Variants in SLC24A2 observed in about 807,000 individuals in gnomAD.
SLC24A2 encodes solute carrier family 24 member 2, also known as sodium/potassium/calcium exchanger 2.
In SLC24A2, 36 loss-of-function variants were observed where a neutral mutation model predicts 62.0. That is an observed-to-expected ratio of 0.58 (90% CI 0.44 to 0.77). The LOEUF (loss-of-function observed/expected upper bound fraction) is 0.77, where lower values mean the gene tolerates loss of function less well. SLC24A2 is among the 30% of genes least tolerant of loss of function. The probability of loss-of-function intolerance (pLI) is 0.00; values close to 1 mark genes in which losing one functional copy is unlikely to be tolerated. For missense variants in SLC24A2, 846 were observed against 817.9 expected, an observed-to-expected ratio of 1.03 and a Z score of -0.42; for synonymous variants, 358 against 294.0, an observed-to-expected ratio of 1.22 and a Z score of -2.23.
the SLC24A2 span, among the ~76,000 whole-genome samples, chr9:20,079,745 G>A: frequency 9.4e-3 from 1,426 of 152,300 alleles, 30 homozygotes; most frequent in African/African-American, 0.033. Flanking sequence ...TGTTAGTGGT[G>A]TATAAGAATG....
chr9:19,716,857 A>C (rs896928041), intron 2 of SLC24A2, among the ~76,000 whole-genome samples: 3 of 152,182 alleles, frequency 2.0e-5, no homozygotes, highest in African/African-American at 7.2e-5. Context: ...AGTCTGGTCC[A>C]TCAATGGCAC....
intron 2 of SLC24A2, among the ~76,000 whole-genome samples, chr9:19,669,530 A>G (rs1300370071): frequency 7.9e-5 from 12 of 152,236 alleles, no homozygotes; most frequent in Admixed American, 7.9e-4. Flanking sequence ...TGTAGGTCAG[A>G]ATCTTACATG....
intron 2 of SLC24A2, among the ~76,000 whole-genome samples, chr9:19,694,814 G>A (rs1232705559): frequency 6.6e-6 from 1 of 152,136 alleles, no homozygotes; most frequent in Non-Finnish European, 1.5e-5. Context: ...TTTAAACTAG[G>A]AGGCTTGGAC....
intron 2 of SLC24A2, among the ~76,000 whole-genome samples, chr9:19,660,061 C>G (rs1320155144): frequency 6.6e-6 from 1 of 152,156 alleles, no homozygotes; most frequent in Non-Finnish European, 1.5e-5. Context: ...AAAGAGAAAG[C>G]AAACGGATGA....
chr9:19,603,976 T>A (rs1836916687), intron 4 of SLC24A2, among the ~76,000 whole-genome samples: 1 of 152,252 alleles, frequency 6.6e-6, no homozygotes, highest in African/African-American at 2.4e-5. Context: ...GTTGTGCTCA[T>A]CTTATCAAAT....
chr9:20,256,921 T>TACACACACACAC, the SLC24A2 span, among the ~76,000 whole-genome samples: 37 of 119,972 alleles, frequency 3.1e-4, no homozygotes, highest in Middle Eastern at 0.013. Flanking sequence ...CTCCAGCATG[T>TACACACACACAC]ACACACACAC....
chr9:19,559,886 A>G (rs745873063), intron 7 of SLC24A2, among the ~76,000 whole-genome samples: 1 of 152,240 alleles, frequency 6.6e-6, no homozygotes, highest in African/African-American at 2.4e-5. Flanking sequence ...ATAGAACATT[A>G]TACTTGAAAT....
chr9:19,625,309 A>T (rs992526483), intron 2 of SLC24A2, among the ~76,000 whole-genome samples: 1 of 152,162 alleles, frequency 6.6e-6, no homozygotes, highest in Admixed American at 6.5e-5. Flanking sequence ...ATAAATAAAT[A>T]AATAAATTTA....
chr9:20,096,259 G>C, the SLC24A2 span, among the ~76,000 whole-genome samples: 1 of 152,208 alleles, frequency 6.6e-6, no homozygotes, highest in East Asian at 1.9e-4. Flanking sequence ...GTATTACCAG[G>C]TATCACACAA....
At chr9:20,128,809 C>A in the SLC24A2 span, among the ~76,000 whole-genome samples, 2 of 151,840 alleles carry the variant, frequency 1.3e-5, no homozygotes, top group East Asian at 3.9e-4. Context: ...AAATTTAATT[C>A]AAAAATTAAG....
the SLC24A2 span, among the ~76,000 whole-genome samples, chr9:20,180,073 A>T: frequency 6.6e-6 from 1 of 152,198 alleles, no homozygotes; most frequent in Non-Finnish European, 1.5e-5. Flanking sequence ...AAATCAACAT[A>T]CACAAAATCT....
At chr9:19,639,398 G>A (rs1046478798) in intron 2 of SLC24A2, among the ~76,000 whole-genome samples, 20 of 152,148 alleles carry the variant, frequency 1.3e-4, no homozygotes, top group East Asian at 1.2e-3. Flanking sequence ...AGAATATGGT[G>A]GAAGTTCTCA....
chr9:19,648,699 A>G (rs1818711561), intron 2 of SLC24A2, among the ~76,000 whole-genome samples: 1 of 152,308 alleles, frequency 6.6e-6, no homozygotes, highest in Non-Finnish European at 1.5e-5. Flanking sequence ...ATTTACTGAC[A>G]AGGAGGAACA....
the SLC24A2 span, among the ~76,000 whole-genome samples, chr9:20,013,008 T>C: frequency 6.6e-6 from 1 of 152,148 alleles, no homozygotes. Context: ...TAATATAATT[T>C]CCATTAAAAT....
intron 8 of SLC24A2, among the ~76,000 whole-genome samples, chr9:19,548,034 C>G (rs1305326712): frequency 1.3e-5 from 2 of 151,644 alleles, no homozygotes; most frequent in Admixed American, 1.3e-4. Context: ...ACACCTGTGT[C>G]ATGCATCCTT....
chr9:19,812,700 T>A, the SLC24A2 span, among the ~76,000 whole-genome samples: 2 of 152,312 alleles, frequency 1.3e-5, no homozygotes, highest in Admixed American at 1.3e-4. Context: ...TTGGAGTGTA[T>A]AATAAATTTG....
the SLC24A2 span, among the ~76,000 whole-genome samples, chr9:19,837,401 G>A: frequency 5.3e-5 from 7 of 131,004 alleles, no homozygotes; most frequent in Non-Finnish European, 9.5e-5. Context: ...GCAGTGAGCC[G>A]AGATTGCGCC....
chr9:19,558,786 T>A (rs757631103), intron 7 of SLC24A2, among the ~76,000 whole-genome samples: 1 of 152,226 alleles, frequency 6.6e-6, no homozygotes, highest in African/African-American at 2.4e-5. Flanking sequence ...TCTTTCATTA[T>A]TGGAGCATTG....
At chr9:20,028,092 T>C in the SLC24A2 span, among the ~76,000 whole-genome samples, 5 of 152,186 alleles carry the variant, frequency 3.3e-5, no homozygotes, top group Non-Finnish European at 7.3e-5. Flanking sequence ...TCTGATACCA[T>C]TGTAATGATG....
Sources: gnomAD v4.1 joint callset for allele counts (sites outside exome capture counted in the v4.1 genomes callset) on GRCh38, gnomAD v4.1.1 for gene constraint, MANE v1.5 for transcripts, NCBI Gene and HGNC (gene_info 2026-07-23, HGNC 2026-07-21) for gene names.